Variants in RPRD2 observed in about 807,000 individuals in gnomAD.
The protein encoded by RPRD2 is regulation of nuclear pre-mRNA domain-containing protein 2.
In RPRD2, 12 loss-of-function variants were observed where a neutral mutation model predicts 104.4. That is an observed-to-expected ratio of 0.11 (90% CI 0.07 to 0.19). The LOEUF (loss-of-function observed/expected upper bound fraction) is 0.19, where lower values mean the gene tolerates loss of function less well. RPRD2 is among the 10% of genes least tolerant of loss of function. RPRD2 has a pLI of 1.00. For synonymous variants in RPRD2, 714 were observed against 684.9 expected, an observed-to-expected ratio of 1.04 and a Z score of -0.66; for missense variants, 1,543 against 1,790.1, an observed-to-expected ratio of 0.86 and a Z score of 2.49.
In RPRD2 at chr1:150,461,662, G is replaced by A. The variant is rs151310868; in HGVS notation, c.1411+1345G>A. On this transcript the variant is annotated intron_variant, in intron 9 of 10. Coordinates refer to ENST00000369068, the MANE Select transcript of RPRD2 (RefSeq NM_015203.5). ...GTTGGAGACAAACCTGGACAACATG[G>A]CGAAACCCCATCTCTACTTAAAAAA... Among the ~76,000 whole-genome samples the A allele has an allele frequency of 1.4e-3, 217 of 151,988 alleles. 1 individual carries two copies. Among genetic ancestry groups the A allele is most frequent in the African/African-American group, 4.8e-3 (201 of 41,460 alleles).
chr1:150,462,791 G>A (rs1668024996), intron 9 of RPRD2, among the ~76,000 whole-genome samples: 1 of 152,112 alleles, frequency 6.6e-6, no homozygotes, highest in African/African-American at 2.4e-5. Context: ...TCCTGACCTC[G>A]TGATCTGCTC....
At chr1:150,450,344 C>T (rs1398642559) in intron 7 of RPRD2, among the ~76,000 whole-genome samples, 4 of 151,914 alleles carry the variant, frequency 2.6e-5, no homozygotes, top group African/African-American at 9.7e-5. Flanking sequence ...CGGTGGCTCA[C>T]GCCTGTAATC....
intron 2 of RPRD2, among the ~76,000 whole-genome samples, chr1:150,433,840 T>C (rs1305336335): frequency 1.4e-5 from 2 of 145,822 alleles, no homozygotes; most frequent in Non-Finnish European, 3.0e-5. Context: ...ATACATAATA[T>C]GTTATATATA....
At chr1:150,365,656 C>T (rs782006598) in intron 1 of RPRD2, among the ~76,000 whole-genome samples, 1 of 152,112 alleles carries the variant, frequency 6.6e-6, no homozygotes, top group African/African-American at 2.4e-5. Flanking sequence ...GTGGCGCGAT[C>T]TCGGCTCACT....
intron 2 of RPRD2, among the ~76,000 whole-genome samples, chr1:150,421,813 CA>C (rs1300327664): frequency 6.6e-6 from 1 of 151,198 alleles, no homozygotes; most frequent in African/African-American, 2.4e-5. Context: ...CCTGTCTCTA[CA>C]AAAAAAATTA....
rs1249503332 is a variant in RPRD2, at chr1:150,475,344, AAG to A, written c.*2012_*2013del. The A allele has an allele frequency of 1.3e-5, 2 of 152,264 alleles. No individual in the cohort carries two copies. Among genetic ancestry groups the A allele is most frequent in the Non-Finnish European group, 2.9e-5 (2 of 68,020 alleles). The allele number at this position is 152,264 out of a possible 1,614,324, so 9.4% of individuals were successfully genotyped here. A position where few individuals can be genotyped will look rare whatever the true frequency, so the allele number is the denominator to read the frequency against. On this transcript the variant is annotated 3_prime_UTR_variant, in exon 11 of 11. Coordinates refer to ENST00000369068, the MANE Select transcript of RPRD2 (RefSeq NM_015203.5). ...TGGGATGTTTTTCATTCTAGAATAA[AAG>A]AATGTGAATTCTCTTTGCTGCTCTT...
intron 10 of RPRD2, among the ~76,000 whole-genome samples, chr1:150,466,377 CA>C (rs34200262): frequency 0.1 from 10,707 of 104,896 alleles, 446 homozygotes; most frequent in Non-Finnish European, 0.12. Context: ...GACTCTGTCT[CA>C]AAAAAAAAAA....
chr1:150,464,628 A>AG lies in RPRD2; in HGVS notation c.1513_1514insG (p.Asn505ArgfsTer51). The AG allele has an allele frequency of 6.2e-7, 1 of 1,612,334 alleles. No individual in the cohort carries two copies. The highest frequency in any genetic ancestry group is 8.5e-7 in the Non-Finnish European group (1 of 1,179,220). On this transcript the variant is annotated frameshift_variant, in exon 10 of 11. Coordinates refer to ENST00000369068, the MANE Select transcript of RPRD2 (RefSeq NM_015203.5). LOFTEE classifies it high-confidence loss of function. ...TGCACCTGCCACGACAACATCTCAC[A>AG]ACCCTCTGGCAAATATCCTCTCCAA... is the stretch of plus-strand genomic sequence containing the variant.
Position 150,456,327 on chromosome 1 carries a change from T to C in RPRD2, c.871-961T>C, listed in dbSNP as rs190059113. Among the ~76,000 whole-genome samples, 230 of 152,294 alleles carry C rather than the reference T, an allele frequency of 1.5e-3. 1 individual carries two copies. The highest frequency in any genetic ancestry group is 0.013 in the Admixed American group (194 of 15,276). On this transcript the variant is annotated intron_variant, in intron 7 of 10. Transcript: ENST00000369068. Reference sequence around the variant, plus strand: ...ATAAATTACAGATAACTGCTAGGTTTCTAACTCAGGCAACTGTGTGGATGG... The same window carrying C: ...ATAAATTACAGATAACTGCTAGGTTCCTAACTCAGGCAACTGTGTGGATGG...
chr1:150,388,409 TAC>T (rs1442401341), intron 1 of RPRD2, among the ~76,000 whole-genome samples: 2 of 146,186 alleles, frequency 1.4e-5, no homozygotes, highest in Admixed American at 6.9e-5. Context: ...TACGTGTATA[TAC>T]ACATGTATAT....
At chr1:150,453,779 G>A (rs1272401040) in intron 7 of RPRD2, among the ~76,000 whole-genome samples, 2 of 152,002 alleles carry the variant, frequency 1.3e-5, no homozygotes, top group Non-Finnish European at 2.9e-5. Flanking sequence ...ATTTTTTATC[G>A]AATGCTGAAC....
At chr1:150,447,941 G>A (rs149556812) in intron 7 of RPRD2, among the ~76,000 whole-genome samples, 2,114 of 152,258 alleles carry the variant, frequency 0.014, 54 homozygotes, top group African/African-American at 0.048. Context: ...TATGACAGAT[G>A]TGGATTTAGC....
At chr1:150,429,626 C>A (rs959774829) in intron 2 of RPRD2, among the ~76,000 whole-genome samples, 7 of 152,056 alleles carry the variant, frequency 4.6e-5, no homozygotes, top group East Asian at 3.8e-4. Context: ...AACTACGAGG[C>A]CTTTCTCAAA....
intron 7 of RPRD2, among the ~76,000 whole-genome samples, chr1:150,453,274 GT>G (rs1333454668): frequency 6.6e-6 from 1 of 151,918 alleles, no homozygotes; most frequent in Non-Finnish European, 1.5e-5. Flanking sequence ...CTCATGATCT[GT>G]GCTCCTTGGC....
At position 150,474,022 on chromosome 1, in the gene RPRD2, G is replaced by A. The variant is rs936774543; in HGVS notation, c.*688G>A. 5 of 152,144 alleles carry A rather than the reference G, an allele frequency of 3.3e-5. No homozygotes were observed. The highest frequency in any genetic ancestry group is 1.2e-4 in the African/African-American group (5 of 41,424). 9.4% of individuals were successfully genotyped at this position (152,144 alleles called of 1,614,324 possible). A position where few individuals can be genotyped will look rare whatever the true frequency, so the allele number is the denominator to read the frequency against. On this transcript the variant is annotated 3_prime_UTR_variant, in exon 11 of 11. Coordinates refer to ENST00000369068, the MANE Select transcript of RPRD2 (RefSeq NM_015203.5). ...GGAGTGACTACAGTATGTAAAATAA[G>A]GAAAGGAAGCATTAATGGTGTGATG...
rs1287441251 is a variant in RPRD2 at position 150,476,396 on chromosome 1, T to A, written c.*3062T>A. 2 of 151,956 alleles carry A rather than the reference T, an allele frequency of 1.3e-5. No homozygotes were observed. The highest frequency in any genetic ancestry group is 2.9e-5 in the Non-Finnish European group (2 of 67,984). 9.4% of individuals were successfully genotyped at this position (151,956 alleles called of 1,614,324 possible). The stretch of plus-strand genomic sequence containing the variant: ...ACTGCTTTCCCCAGTTCCCCCACTA[T>A]TTTTTTTAAGTGGGCGGGGGCGCCT... On this transcript the variant is annotated 3_prime_UTR_variant, in exon 11 of 11. Coordinates refer to ENST00000369068, the MANE Select transcript of RPRD2 (RefSeq NM_015203.5).
intron 9 of RPRD2, among the ~76,000 whole-genome samples, chr1:150,460,941 T>G (rs1570786351): frequency 6.6e-6 from 1 of 150,950 alleles, no homozygotes; most frequent in Non-Finnish European, 1.5e-5. Flanking sequence ...GTCAGGCTGG[T>G]CTCAAACTCC....
rs1667842980 is a variant in RPRD2, at chr1:150,460,364, T to A, written c.1411+47T>A. 9.2e-6 allele frequency: 14 copies of A among 1,524,582 alleles called. No individual in the cohort carries two copies. In the East Asian group the frequency reaches 3.3e-4, roughly 36 times the overall value. 94.4% of individuals were successfully genotyped at this position (1,524,582 alleles called of 1,614,324 possible). Reference sequence around the variant, plus strand: ...GATAAAAAGTTAATTTCCATCTTTTTAAATTGAATCATTAATCTGTTTTTG... The same window carrying A: ...GATAAAAAGTTAATTTCCATCTTTTAAAATTGAATCATTAATCTGTTTTTG... On this transcript the variant is annotated intron_variant, in intron 9 of 10. Transcript: ENST00000369068.
rs184183215 is a variant in RPRD2 at position 150,429,174 on chromosome 1, C to T, written c.335+11449C>T. On this transcript the variant is annotated intron_variant, in intron 2 of 10. Coordinates refer to ENST00000369068, the MANE Select transcript of RPRD2 (RefSeq NM_015203.5). ...GTGGTGCGATCTCAGCTCACCACAA[C>T]CTTTGCTTCCCGGGTTCAAGCGATT... Among the ~76,000 whole-genome samples, 89 of 151,440 alleles carry T rather than the reference C, an allele frequency of 5.9e-4. 1 individual carries two copies. The East Asian group carries it at 0.017, about 29-fold the overall frequency.
Sources: allele counts gnomAD v4.1 joint callset (sites outside exome capture counted in the v4.1 genomes callset), GRCh38; gene constraint gnomAD v4.1.1; transcripts MANE v1.5; gene names NCBI Gene and HGNC (gene_info 2026-07-23, HGNC 2026-07-21).